Variants in SOBP observed in about 807,000 individuals in gnomAD.
SOBP encodes the protein sine oculis binding protein homolog, also known as sine oculis-binding protein homolog.
In SOBP, 4 loss-of-function variants were observed where a neutral mutation model predicts 53.6. The observed-to-expected ratio is 0.07, with a 90% CI of 0.04 to 0.17. The LOEUF is 0.17. Ranked by LOEUF, SOBP falls within the 10% of genes least tolerant of loss-of-function variation. The pLI is 1.00. For missense variants in SOBP, 1,088 were observed against 1,204.7 expected, an observed-to-expected ratio of 0.90 and a Z score of 1.43; for synonymous variants, 584 against 522.6, an observed-to-expected ratio of 1.12 and a Z score of -1.60.
chr6:107,581,812 C>G lies in SOBP; in HGVS notation c.574-5268C>G, dbSNP rs563391355. 9.2e-5 allele frequency among the ~76,000 whole-genome samples: 14 copies of G among 152,276 alleles called. 1 individual carries two copies. In the East Asian group the frequency reaches 2.5e-3, roughly 27 times the overall value. On this transcript the variant is annotated intron_variant, in intron 4 of 6. Transcript: ENST00000317357. ...GTTATAAAATATAAAATCAATGGCC[C>G]CTTTTTTCTCCTCTCCAATTCTTCA...
At chr6:107,625,948 A>G (rs1036626106) in intron 5 of SOBP, among the ~76,000 whole-genome samples, 6 of 152,206 alleles carry the variant, frequency 3.9e-5, no homozygotes, top group African/African-American at 1.4e-4. Flanking sequence ...TCCCTTATAT[A>G]CAAGTACAAC....
intron 4 of SOBP, among the ~76,000 whole-genome samples, chr6:107,584,404 A>G (rs1785502549): frequency 6.6e-6 from 1 of 152,208 alleles, no homozygotes; most frequent in Non-Finnish European, 1.5e-5. Context: ...AGGGGATTAC[A>G]GTGGTGAGAA....
chr6:107,535,637 G>GTGTGTT (rs1490854669), intron 4 of SOBP, among the ~76,000 whole-genome samples: 7 of 135,316 alleles, frequency 5.2e-5, no homozygotes, highest in African/African-American at 1.9e-4. Context: ...GTGTGTGTGT[G>GTGTGTT]TTTTTTTTTT....
At chr6:107,491,476 C>T (rs1562568448) in intron 1 of SOBP, among the ~76,000 whole-genome samples, 1 of 152,266 alleles carries the variant, frequency 6.6e-6, no homozygotes, top group Non-Finnish European at 1.5e-5. Context: ...CCCGCCAGGC[C>T]AGCGGTGCAC....
intron 4 of SOBP, among the ~76,000 whole-genome samples, chr6:107,562,951 ATC>A (rs1319815000): frequency 6.6e-6 from 1 of 152,228 alleles, no homozygotes; most frequent in African/African-American, 2.4e-5. Context: ...ATTCACTGTT[ATC>A]TCTATTTTTG....
intron 4 of SOBP, among the ~76,000 whole-genome samples, chr6:107,544,312 TATTA>T (rs1374867377): frequency 2.0e-5 from 3 of 152,242 alleles, no homozygotes; most frequent in African/African-American, 4.8e-5. Flanking sequence ...CTTTCACCAT[TATTA>T]ATTAATCTAT....
intron 1 of SOBP, among the ~76,000 whole-genome samples, chr6:107,497,419 A>G (rs7754889): frequency 0.036 from 5,419 of 152,268 alleles, 329 homozygotes; most frequent in African/African-American, 0.12. Flanking sequence ...GACTGAGACT[A>G]TGTGTTAATT....
chr6:107,513,230 A>G (rs1295591156), intron 3 of SOBP, among the ~76,000 whole-genome samples: 1 of 152,190 alleles, frequency 6.6e-6, no homozygotes, highest in Non-Finnish European at 1.5e-5. Flanking sequence ...GTCCTCCAGG[A>G]TGGTTTGCTT....
chr6:107,577,295 G>A (rs542353760), intron 4 of SOBP, among the ~76,000 whole-genome samples: 45 of 152,380 alleles, frequency 3.0e-4, no homozygotes, highest in South Asian at 8.3e-4. Context: ...CCTGCTCAGA[G>A]CTACATTATT....
At position 107,634,876 on chromosome 6, in the gene SOBP, G is replaced by A; in HGVS notation, c.2032G>A (p.Ala678Thr). The A allele has an allele frequency of 7.4e-7, 1 of 1,347,466 alleles. No homozygotes were observed. The highest frequency in any genetic ancestry group is 1.6e-5 in the South Asian group (1 of 61,054). 83.5% of individuals were successfully genotyped at this position (1,347,466 alleles called of 1,614,324 possible). ...IHRALHAHVK[A>T]EREPSAAERR... Reference sequence around the variant, plus strand: ...CCGCGCGCTGCACGCGCACGTCAAGGCGGAGCGCGAGCCGAGCGCCGCGGA... The same window carrying A: ...CCGCGCGCTGCACGCGCACGTCAAGACGGAGCGCGAGCCGAGCGCCGCGGA... The change falls in exon 6 of 7, where the codon GCG becomes ACG. Residue 678 changes from alanine to threonine, a missense_variant. By Grantham distance (58) the Ala-to-Thr change is moderately conservative. Transcript: ENST00000317357. This position sits in a 1 kb window ranked among gnomAD's most constrained non-coding sequence, Gnocchi z 4.5.
At chr6:107,501,991 A>C (rs931404570) in intron 1 of SOBP, among the ~76,000 whole-genome samples, 1 of 152,146 alleles carries the variant, frequency 6.6e-6, no homozygotes, top group African/African-American at 2.4e-5. Context: ...GTTTTTTCTT[A>C]ATTGTTAATG....
chr6:107,591,978 T>G lies in SOBP; in HGVS notation c.669+4803T>G, dbSNP rs1156275113. 5.3e-5 allele frequency among the ~76,000 whole-genome samples: 5 copies of G among 93,752 alleles called. No homozygotes were observed. The East Asian group carries it at 1.9e-3, about 36-fold the overall frequency. 61.5% of individuals were successfully genotyped at this position (93,752 alleles called of 152,430 possible). A position where few individuals can be genotyped will look rare whatever the true frequency, so the allele number is the denominator to read the frequency against. On this transcript the variant is annotated intron_variant, in intron 5 of 6. Coordinates refer to ENST00000317357, the MANE Select transcript of SOBP (RefSeq NM_018013.4). ...ATTTGGTCTTTTGGTGTTTTTTTTTTTTTTTTTTTTTTTTGTAAAATCTTT... is the reference window on the plus strand; with the variant it reads ...ATTTGGTCTTTTGGTGTTTTTTTTTGTTTTTTTTTTTTTTGTAAAATCTTT...
At chr6:107,516,439 T>C (rs1783323002) in intron 3 of SOBP, among the ~76,000 whole-genome samples, 1 of 151,222 alleles carries the variant, frequency 6.6e-6, no homozygotes, top group Non-Finnish European at 1.5e-5. Flanking sequence ...GATTGCACCA[T>C]TGTACTCCAG....
Position 107,509,210 on chromosome 6 carries a change from C to T in SOBP, c.421+2783C>T, listed in dbSNP as rs1783088672. Among the ~76,000 whole-genome samples, 3 of 152,152 alleles carry T rather than the reference C, an allele frequency of 2.0e-5. No homozygotes were observed. In the South Asian group the frequency reaches 6.2e-4, roughly 32 times the overall value. Reference sequence around the variant, plus strand: ...GGGAGTTTGAGACCAGCCTGACCAACATGGAGAAACCCCATCTCTACTAAA... The same window carrying T: ...GGGAGTTTGAGACCAGCCTGACCAATATGGAGAAACCCCATCTCTACTAAA... On this transcript the variant is annotated intron_variant, in intron 3 of 6. Transcript: ENST00000317357.
chr6:107,633,753 G>A lies in SOBP; in HGVS notation c.909G>A (p.Pro303=), dbSNP rs766299544. The A allele has an allele frequency of 3.1e-6, 5 of 1,614,208 alleles. No homozygotes were observed. Among genetic ancestry groups the A allele is most frequent in the Non-Finnish European group, 4.2e-6 (5 of 1,180,032 alleles). The change falls in exon 6 of 7, where the codon CCG becomes CCA. Residue 303 remains proline (P), a synonymous_variant. Transcript: ENST00000317357. The part of the protein sequence containing the change: ...QLLTPDSWNI[P]LTDARRKAPS... ...TCACTCCAGACTCTTGGAATATCCC[G>A]CTAACAGATGCTCGGAGGAAGGCCC...
chr6:107,526,515 C>T (rs1000194879), intron 3 of SOBP, among the ~76,000 whole-genome samples: 1 of 152,136 alleles, frequency 6.6e-6, no homozygotes, highest in Admixed American at 6.5e-5. Flanking sequence ...CCCCGCCTTC[C>T]AAATCCTTCA....
intron 4 of SOBP, among the ~76,000 whole-genome samples, chr6:107,578,774 T>C (rs1010531961): frequency 5.9e-5 from 9 of 152,194 alleles, no homozygotes; most frequent in Non-Finnish European, 1.2e-4. Context: ...TACTGTGTTT[T>C]TTAATCCCAT....
At chr6:107,564,322 T>C (rs559333829) in intron 4 of SOBP, among the ~76,000 whole-genome samples, 1 of 152,304 alleles carries the variant, frequency 6.6e-6, no homozygotes, top group African/African-American at 2.4e-5. Flanking sequence ...GCTAGGAAGG[T>C]GCTCTCCTTC....
chr6:107,539,315 G>T (rs547842294), intron 4 of SOBP, among the ~76,000 whole-genome samples: 17 of 152,322 alleles, frequency 1.1e-4, no homozygotes, highest in African/African-American at 4.1e-4. Context: ...ATGAAAACTC[G>T]AAATAGCTTC....
Sources: gnomAD v4.1 joint callset for allele counts (sites outside exome capture counted in the v4.1 genomes callset) on GRCh38, gnomAD v4.1.1 for gene constraint, Gnocchi (gnomAD v3.1) non-coding constraint, MANE v1.5 for transcripts, NCBI Gene and HGNC (gene_info 2026-07-23, HGNC 2026-07-21) for gene names.